The following DMD variants were observed in gnomAD, a reference collection of about 807,000 sequenced individuals.
DMD encodes the protein dystrophin.
A neutral mutation model predicts 330.1 loss-of-function variants in DMD; 63 were observed. The ratio of observed to expected loss-of-function variants is 0.19; its 90% CI spans 0.16 to 0.24. The LOEUF is 0.24. DMD is among the 10% of genes least tolerant of loss of function. DMD has a pLI of 1.00. For synonymous variants in DMD, 1,223 were observed against 959.8 expected (o/e 1.27, Z -5.07); for missense variants, 3,344 against 2,684.1 (o/e 1.25, Z -5.43).
At chrX:31,546,780 T>C (rs1388276828) in intron 55 of DMD, among the ~76,000 whole-genome samples, 1 of 112,260 alleles carries the variant, frequency 8.9e-6, no homozygotes, top group Non-Finnish European at 1.9e-5. Context: ...AATAGCCCCC[T>C]ATCTATGACA....
intron 23 of DMD, 49 bp downstream of exon 23, chrX:32,468,449 A>G (rs1272806017): frequency 1.8e-6 from 2 of 1,081,132 alleles, no homozygotes; most frequent in Admixed American, 5.1e-5. Context: ...ATCGTTAGGG[A>G]AAAAACAAGT....
At chrX:31,622,843 A>G (rs2078611791) in intron 55 of DMD, among the ~76,000 whole-genome samples, 1 of 72,057 alleles carries the variant, frequency 1.4e-5, no homozygotes, top group Non-Finnish European at 2.5e-5. Flanking sequence ...TCTCAGAAAA[A>G]TTTTATATAT....
At chrX:32,730,760 G>A (rs116076654) in intron 7 of DMD, among the ~76,000 whole-genome samples, 1,865 of 111,754 alleles carry the variant, frequency 0.017, 43 homozygotes, top group African/African-American at 0.057. Context: ...GAGTGTGGAG[G>A]CTATGTATTC....
At chrX:32,899,684 AAAAAAGAAAGAAAAAG>A (rs1407271016) in intron 2 of DMD, among the ~76,000 whole-genome samples, 3 of 110,232 alleles carry the variant, frequency 2.7e-5, no homozygotes, top group Non-Finnish European at 5.7e-5. Context: ...AAAAAAAAAA[AAAAAAGAAAGAAAAAG>A]AAAAAGAAAG....
chrX:32,644,438 T>A (rs1034980144), intron 10 of DMD, 125 bp from the exon 11 acceptor site: 1 of 755,641 alleles, frequency 1.3e-6, no homozygotes, highest in Non-Finnish European at 1.9e-6. Flanking sequence ...GTAAAAGGAA[T>A]TTAATTTGTA....
At chrX:32,606,701 G>C (rs771271566) in intron 12 of DMD, among the ~76,000 whole-genome samples, 151 of 95,960 alleles carry the variant, frequency 1.6e-3, no homozygotes, top group Non-Finnish European at 2.7e-3. Context: ...ATATGCACAT[G>C]TATATATGTG....
Position 32,045,341 on chromosome X carries a change from G to GTTTTTTTTTTTTTTTTTTT in DMD, c.6439-76828_6439-76827insAAAAAAAAAAAAAAAAAAA. 2.1e-5 allele frequency among the ~76,000 whole-genome samples: 2 copies of GTTTTTTTTTTTTTTTTTTT among 97,364 alleles called. 1 individual carries two copies. Among genetic ancestry groups the GTTTTTTTTTTTTTTTTTTT allele is most frequent in the Admixed American group, 2.2e-4 (2 of 8,961 alleles). The allele number at this position is 97,364 out of a possible 115,157, so 84.5% of individuals were successfully genotyped here. A position where few individuals can be genotyped will look rare whatever the true frequency, so the allele number is the denominator to read the frequency against. On this transcript the variant is annotated intron_variant, in intron 44 of 78. Transcript: ENST00000357033. Reference sequence around the variant, plus strand: ...TAGCAGCTGAGTTCTTGAGCGATCTGTTTTGTTTTTTTTTTTTTTAAATGT... The same window carrying GTTTTTTTTTTTTTTTTTTT: ...TAGCAGCTGAGTTCTTGAGCGATCTGTTTTTTTTTTTTTTTTTTTTTTTGTTTTTTTTTTTTTTAAATGT...
At chrX:31,680,161 T>C (rs2148737972) in intron 52 of DMD, among the ~76,000 whole-genome samples, 1 of 111,694 alleles carries the variant, frequency 9.0e-6, no homozygotes, top group Non-Finnish European at 1.9e-5. Context: ...GTTCCAGAGT[T>C]TCCCAAGGGA....
intron 44 of DMD, among the ~76,000 whole-genome samples, chrX:32,161,269 C>T (rs953904977): frequency 3.6e-5 from 4 of 111,686 alleles, no homozygotes; most frequent in Non-Finnish European, 7.5e-5. Flanking sequence ...CACTAAATTT[C>T]ATTCAGAATT....
intron 2 of DMD, among the ~76,000 whole-genome samples, chrX:33,008,926 A>ACG (rs1569548755): frequency 1.7e-5 from 1 of 58,965 alleles, no homozygotes; most frequent in South Asian, 7.3e-4. Context: ...GTATATATAC[A>ACG]TGTATATATA....
At chrX:32,204,671 G>T (rs1299389042) in intron 44 of DMD, among the ~76,000 whole-genome samples, 3 of 110,387 alleles carry the variant, frequency 2.7e-5, no homozygotes, top group African/African-American at 9.9e-5. Context: ...AAGAAAAGGG[G>T]TTTTCTTTTG....
In DMD at chrX:32,548,870, G is replaced by A. The variant is rs147803643; in HGVS notation, c.1993-3536C>T. Among the ~76,000 whole-genome samples the A allele has an allele frequency of 1.6e-3, 174 of 111,084 alleles. 3 individuals are homozygous for A. In the East Asian group the frequency reaches 0.041, roughly 26 times the overall value. ...AAACTTCAAGCATGATAAGAATAAC[G>A]TAGTGCCTTCACTAAAATGTTTAAT... On this transcript the variant is annotated intron_variant, in intron 16 of 78. Coordinates refer to ENST00000357033, the MANE Select transcript of DMD (RefSeq NM_004006.3).
chrX:31,759,706 T>C (rs2089422231), intron 51 of DMD, among the ~76,000 whole-genome samples: 1 of 111,903 alleles, frequency 8.9e-6, no homozygotes, highest in African/African-American at 3.2e-5. Flanking sequence ...TCTATTTTTA[T>C]AAATAAAATG....
intron 20 of DMD, 77 bp downstream of exon 20, chrX:32,491,200 T>G: frequency 8.8e-7 from 1 of 1,131,521 alleles, no homozygotes; most frequent in Non-Finnish European, 1.2e-6. Flanking sequence ...TACTAAATAA[T>G]TTGTTACTGT....
intron 63 of DMD, among the ~76,000 whole-genome samples, chrX:31,256,733 A>T (rs1335431138): frequency 1.1e-5 from 1 of 92,178 alleles, no homozygotes; most frequent in Non-Finnish European, 2.1e-5. Flanking sequence ...ATCTACATAT[A>T]TGTGGGGCGT....
At chrX:33,008,168 C>T (rs2093434038) in intron 2 of DMD, among the ~76,000 whole-genome samples, 1 of 111,429 alleles carries the variant, frequency 9.0e-6, no homozygotes, top group African/African-American at 3.3e-5. Context: ...CTTATCTCTG[C>T]ATATAGAACT....
In DMD at chrX:31,783,656, G is replaced by A. The variant is rs1428372279; in HGVS notation, c.7310-9464C>T. Among the ~76,000 whole-genome samples, 8 of 110,637 alleles carry A rather than the reference G, an allele frequency of 7.2e-5. 1 individual carries two copies. Among genetic ancestry groups the A allele is most frequent in the South Asian group, 3.8e-4 (1 of 2,649 alleles). ...AAGCAGAGTCCTTAAGTGTAATCTCGTTCTCTCTCTAAATATATATATGCA... is the reference window on the plus strand; with the variant it reads ...AAGCAGAGTCCTTAAGTGTAATCTCATTCTCTCTCTAAATATATATATGCA... On this transcript the variant is annotated intron_variant, in intron 50 of 78. Transcript: ENST00000357033.
chrX:33,068,350 C>A (rs1418209115), intron 1 of DMD, among the ~76,000 whole-genome samples: 1 of 111,880 alleles, frequency 8.9e-6, no homozygotes, highest in Non-Finnish European at 1.9e-5. Flanking sequence ...TTTCTAAGTT[C>A]TCCCAGTGAG....
intron 51 of DMD, among the ~76,000 whole-genome samples, chrX:31,770,095 A>C (rs1046603921): frequency 3.6e-5 from 4 of 112,481 alleles, no homozygotes. Context: ...CCACATGCCC[A>C]GAAAGGCATG....
Sources: allele counts gnomAD v4.1 joint callset (sites outside exome capture counted in the v4.1 genomes callset), GRCh38; gene constraint gnomAD v4.1.1; transcripts MANE v1.5; gene names NCBI Gene and HGNC (gene_info 2026-07-23, HGNC 2026-07-21).